Variants in NIBAN1 observed in about 807,000 individuals in gnomAD.
The protein encoded by NIBAN1 is protein Niban 1.
NIBAN1 carries 81 observed loss-of-function variants against 75.1 expected under a neutral mutation model. The observed-to-expected ratio is 1.08, with a 90% CI of 0.90 to 1.30. NIBAN1 has a LOEUF of 1.30. Among genes scored for constraint, NIBAN1 ranks in the 50% most tolerant of loss-of-function variants. The pLI, the probability that NIBAN1 is intolerant of heterozygous loss-of-function variation, is 0.00. For missense variants in NIBAN1, 1,133 were observed against 1,128.1 expected, an observed-to-expected ratio of 1.00 and a Z score of -0.06; for synonymous variants, 436 against 424.8, an observed-to-expected ratio of 1.03 and a Z score of -0.32.
Position 184,795,769 on chromosome 1 carries a change from C to T in NIBAN1, c.1995G>A (p.Val665=), listed in dbSNP as rs982299559. ...VIISRVDDPV[V]NPVATEDTAG... The stretch of plus-strand genomic sequence containing the variant: ...CTGTGTCCTCTGTTGCCACAGGATT[C>T]ACCACGGGGTCATCCACTCTTGAAA... The change falls in exon 14 of 14, where the codon GTG becomes GTA. Residue 665 remains valine, a synonymous_variant. Transcript: ENST00000367511. The T allele has an allele frequency of 6.2e-7, 1 of 1,611,844 alleles. No individual in the cohort carries two copies. Among genetic ancestry groups the T allele is most frequent in the Non-Finnish European group, 8.5e-7 (1 of 1,178,674 alleles).
intron 1 of NIBAN1, among the ~76,000 whole-genome samples, chr1:184,914,329 G>A (rs775171194): frequency 6.6e-5 from 10 of 152,196 alleles, no homozygotes; most frequent in Admixed American, 3.3e-4. Flanking sequence ...AGTACATGAA[G>A]CTCTCCAAAT....
chr1:184,896,293 T>C (rs1215525885), intron 2 of NIBAN1, among the ~76,000 whole-genome samples: 4 of 152,214 alleles, frequency 2.6e-5, no homozygotes, highest in African/African-American at 9.6e-5. Flanking sequence ...TTAATATACA[T>C]TTCTCTGATG....
At chr1:184,973,443 C>T (rs971148498) in intron 1 of NIBAN1, among the ~76,000 whole-genome samples, 4 of 125,048 alleles carry the variant, frequency 3.2e-5, no homozygotes, top group African/African-American at 1.3e-4. Context: ...GGCGGCGGGG[C>T]GGGGGAAAGA....
chr1:184,899,059 C>T (rs768926304), intron 2 of NIBAN1, 120 bp downstream of exon 2: 56 of 1,151,390 alleles, frequency 4.9e-5, no homozygotes, highest in South Asian at 2.7e-4. Flanking sequence ...GAGCATGAAA[C>T]GACTTCAGAG....
At chr1:184,866,744 T>C (rs569844354) in intron 5 of NIBAN1, among the ~76,000 whole-genome samples, 6 of 152,312 alleles carry the variant, frequency 3.9e-5, no homozygotes, top group African/African-American at 1.2e-4. Context: ...TGGCAAAATT[T>C]AGACCAATGG....
intron 5 of NIBAN1, among the ~76,000 whole-genome samples, chr1:184,833,038 T>G (rs1296607924): frequency 1.3e-5 from 2 of 151,916 alleles, no homozygotes; most frequent in Admixed American, 6.6e-5. Context: ...GTTCCCTGAC[T>G]CTCCTCCTAT....
intron 1 of NIBAN1, among the ~76,000 whole-genome samples, chr1:184,941,543 A>G (rs1658086568): frequency 1.3e-5 from 2 of 151,730 alleles, no homozygotes; most frequent in Non-Finnish European, 2.9e-5. Flanking sequence ...CCAGCTGCTC[A>G]GGAGGCTCAG....
chr1:184,809,948 G>A (rs1194518191), intron 9 of NIBAN1, among the ~76,000 whole-genome samples: 1 of 152,032 alleles, frequency 6.6e-6, no homozygotes, highest in Non-Finnish European at 1.5e-5. Context: ...GCCTCTAAGG[G>A]TGTGTTTTAT....
intron 1 of NIBAN1, among the ~76,000 whole-genome samples, chr1:184,930,024 A>C (rs777843139): frequency 8.5e-5 from 13 of 152,226 alleles, no homozygotes; most frequent in Non-Finnish European, 1.9e-4. Flanking sequence ...TCAGGACATC[A>C]GCTCCAAGTT....
At chr1:184,920,351 A>G (rs1004995615) in intron 1 of NIBAN1, among the ~76,000 whole-genome samples, 1 of 152,204 alleles carries the variant, frequency 6.6e-6, no homozygotes, top group South Asian at 2.1e-4. Flanking sequence ...GGTAATTACC[A>G]TACTCATCAC....
chr1:184,818,333 T>C (rs1654595521), intron 9 of NIBAN1, among the ~76,000 whole-genome samples: 1 of 152,172 alleles, frequency 6.6e-6, no homozygotes. Context: ...GATTAGTGGG[T>C]ATCAGTGATG....
intron 8 of NIBAN1, among the ~76,000 whole-genome samples, chr1:184,819,557 G>T (rs1466117180): frequency 1.3e-5 from 2 of 152,202 alleles, no homozygotes; most frequent in African/African-American, 2.4e-5. Context: ...GTCTGGGTAG[G>T]ACATGGAAAC....
Position 184,818,749 on chromosome 1 carries a change from G to A in NIBAN1, c.1062C>T (p.Leu354=). 1 of 1,613,344 alleles carries A rather than the reference G, an allele frequency of 6.2e-7. No homozygotes were observed. Among genetic ancestry groups the A allele is most frequent in the Non-Finnish European group, 8.5e-7 (1 of 1,179,344 alleles). The part of the protein sequence containing the change: ...QPFLASILEE[L]MGPVSSGFSE... ...TGAATCCCGAGCTCACTGGTCCCAT[G>A]AGCTCCTCCAGGATGGATGCCAGGA... is the stretch of plus-strand genomic sequence containing the variant. Residue 354 remains leucine, a synonymous_variant, in exon 9 of 14, where the codon CTC becomes CTT. Coordinates refer to ENST00000367511, the MANE Select transcript of NIBAN1 (RefSeq NM_052966.4).
rs114737502 is a variant in NIBAN1, at chr1:184,954,252, A to C, written c.55+20050T>G. On this transcript the variant is annotated intron_variant, in intron 1 of 13. Coordinates refer to ENST00000367511, the MANE Select transcript of NIBAN1 (RefSeq NM_052966.4). ...GAATTTGGTTATAGGTCTAGAGTGGAAGCCAAGAACAGAAAATGAGACAAA... is the reference window on the plus strand; with the variant it reads ...GAATTTGGTTATAGGTCTAGAGTGGCAGCCAAGAACAGAAAATGAGACAAA... Among the ~76,000 whole-genome samples the C allele has an allele frequency of 1.1e-3, 166 of 152,374 alleles. 1 individual carries two copies. Among genetic ancestry groups the C allele is most frequent in the African/African-American group, 3.8e-3 (160 of 41,584 alleles).
Position 184,806,053 on chromosome 1 carries a change from T to C in NIBAN1, c.1339A>G (p.Met447Val). The C allele has an allele frequency of 6.2e-7, 1 of 1,613,304 alleles. No individual in the cohort carries two copies. The highest frequency in any genetic ancestry group is 8.5e-7 in the Non-Finnish European group (1 of 1,179,504). Residue 447 changes from methionine to valine, a missense_variant, in exon 11 of 14, where the codon ATG becomes GTG. Coordinates refer to ENST00000367511, the MANE Select transcript of NIBAN1 (RefSeq NM_052966.4). ...QRTQNYMQEL[M>V]ENAVFTFEQL... is the part of the protein sequence containing the mutation. ...TCAAAAGTGAACACTGCATTCTCCA[T>C]TAGCTAGAAACCAGAAGCGACACAG...
chr1:184,891,357 T>C (rs1413008848), intron 3 of NIBAN1, among the ~76,000 whole-genome samples: 1 of 152,186 alleles, frequency 6.6e-6, no homozygotes, highest in Non-Finnish European at 1.5e-5. Flanking sequence ...CTTACAGCTC[T>C]AAGAACTCCC....
chr1:184,894,255 C>T, intron 2 of NIBAN1, 49 bp from the exon 3 acceptor site: 2 of 1,525,444 alleles, frequency 1.3e-6, no homozygotes, highest in Non-Finnish European at 1.8e-6. Flanking sequence ...GATAACACAC[C>T]TTGTTACCAC....
chr1:184,932,207 T>C (rs1027657078), intron 1 of NIBAN1, among the ~76,000 whole-genome samples: 1 of 152,214 alleles, frequency 6.6e-6, no homozygotes, highest in Admixed American at 6.5e-5. Flanking sequence ...GGTTTTGGGA[T>C]GATTCAAGTG....
chr1:184,800,289 T>C (rs1654000864), intron 12 of NIBAN1, among the ~76,000 whole-genome samples: 2 of 149,816 alleles, frequency 1.3e-5, no homozygotes, highest in African/African-American at 2.4e-5. Flanking sequence ...GAGTAGGTTG[T>C]GAAAATTTTC....
Sources: gnomAD v4.1 joint callset for allele counts (sites outside exome capture counted in the v4.1 genomes callset) on GRCh38, gnomAD v4.1.1 for gene constraint, MANE v1.5 for transcripts, NCBI Gene and HGNC (gene_info 2026-07-23, HGNC 2026-07-21) for gene names.